PGR: variants seen among roughly 807,000 people sequenced by gnomAD.
The protein encoded by PGR is progesterone receptor.
In PGR, 25 loss-of-function variants were observed where a neutral mutation model predicts 76.1. The ratio of observed to expected loss-of-function variants is 0.33; its 90% CI spans 0.24 to 0.46. The LOEUF is 0.46. Among genes scored for constraint, PGR ranks in the 20% least tolerant of loss-of-function variants. The probability of loss-of-function intolerance (pLI) is 1.00; values close to 1 mark genes in which losing one functional copy is unlikely to be tolerated. For synonymous variants in PGR, 579 were observed against 535.0 expected (o/e 1.08, Z -1.14); for missense variants, 1,172 against 1,225.3 (o/e 0.96, Z 0.65).
chr11:101,033,030 A>G lies in PGR; in HGVS notation c.*6086T>C, dbSNP rs1859399529. ...TCCTCTCAAAATACAAAGAACTTTG[A>G]TATTTTCTTCTGTTTCTTTCAAATT... On this transcript the variant is annotated 3_prime_UTR_variant, in exon 8 of 8. Transcript: ENST00000325455. 5.1e-6 allele frequency: 1 copy of G among 195,032 alleles called. No homozygotes were observed. Among genetic ancestry groups the G allele is most frequent in the South Asian group, 1.9e-4 (1 of 5,202 alleles). 12.1% of individuals were successfully genotyped at this position (195,032 alleles called of 1,614,324 possible).
Position 101,126,059 on chromosome 11 carries a change from A to G in PGR, c.1737T>C (p.Tyr579=). The change falls in exon 2 of 8, where the codon TAT becomes TAC. Residue 579 remains tyrosine, a synonymous_variant. Transcript: ENST00000325455. ...TACAGCTCCCACAGGTAAGGACACC[A>G]TAATGACAGCCTGATGCTTCATCCC... The part of the protein sequence containing the change: ...ICGDEASGCH[Y]GVLTCGSCKV... The G allele has an allele frequency of 6.2e-7, 1 of 1,614,136 alleles. No homozygotes were observed. Among genetic ancestry groups the G allele is most frequent in the Non-Finnish European group, 8.5e-7 (1 of 1,179,978 alleles).
At chr11:101,044,574 T>C (rs1859799923) in intron 6 of PGR, among the ~76,000 whole-genome samples, 1 of 152,090 alleles carries the variant, frequency 6.6e-6, no homozygotes, top group Non-Finnish European at 1.5e-5. Context: ...AGACCTAGTT[T>C]TCAACCTATA....
intron 2 of PGR, among the ~76,000 whole-genome samples, chr11:101,101,421 T>C (rs1200863239): frequency 6.6e-6 from 1 of 152,186 alleles, no homozygotes; most frequent in Non-Finnish European, 1.5e-5. Context: ...CATTATTAAG[T>C]GTATTTTAAG....
intron 4 of PGR, among the ~76,000 whole-genome samples, chr11:101,055,098 A>G (rs574638699): frequency 9.2e-5 from 14 of 152,088 alleles, no homozygotes; most frequent in Non-Finnish European, 1.8e-4. Context: ...TGTTATATAT[A>G]ACAAATTATA....
chr11:101,036,926 T>G lies in PGR; in HGVS notation c.*2190A>C, dbSNP rs1859534896. On this transcript the variant is annotated 3_prime_UTR_variant, in exon 8 of 8. Coordinates refer to ENST00000325455, the MANE Select transcript of PGR (RefSeq NM_000926.4). ...ATCACAACATCAACTGTTCCCTGAG[T>G]CCATCACTTAAGCATAAAGGGCTAA... The G allele has an allele frequency of 5.0e-6, 1 of 201,916 alleles. No individual in the cohort carries two copies. Among genetic ancestry groups the G allele is most frequent in the African/African-American group, 2.3e-5 (1 of 43,592 alleles). The allele number at this position is 201,916 out of a possible 1,614,324, so 12.5% of individuals were successfully genotyped here. A position where few individuals can be genotyped will look rare whatever the true frequency, so the allele number is the denominator to read the frequency against.
chr11:101,101,936 G>T (rs1202125845), intron 2 of PGR, among the ~76,000 whole-genome samples: 1 of 152,146 alleles, frequency 6.6e-6, no homozygotes, highest in Non-Finnish European at 1.5e-5. Flanking sequence ...ACATAAGGGG[G>T]TCATGAGATC....
At position 101,070,819 on chromosome 11, in the gene PGR, C is replaced by T. The variant is rs570208038; in HGVS notation, c.1907-8067G>A. Among the ~76,000 whole-genome samples, 14 of 152,326 alleles carry T rather than the reference C, an allele frequency of 9.2e-5. No individual in the cohort carries two copies. The South Asian group carries it at 2.9e-3, about 32-fold the overall frequency. ...ATCTCTGAAAGAAAGGCAGCAGCCCCAGTCAGGGGCTTATACATAAAACTC... is the reference window on the plus strand; with the variant it reads ...ATCTCTGAAAGAAAGGCAGCAGCCCTAGTCAGGGGCTTATACATAAAACTC... On this transcript the variant is annotated intron_variant, in intron 3 of 7. Coordinates refer to ENST00000325455, the MANE Select transcript of PGR (RefSeq NM_000926.4).
Position 101,036,633 on chromosome 11 carries a change from T to C in PGR, c.*2483A>G, listed in dbSNP as rs992662186. 1 of 197,644 alleles carries C rather than the reference T, an allele frequency of 5.1e-6. No homozygotes were observed. Among genetic ancestry groups the C allele is most frequent in the African/African-American group, 2.3e-5 (1 of 43,376 alleles). The allele number at this position is 197,644 out of a possible 1,614,324, so 12.2% of individuals were successfully genotyped here. A position where few individuals can be genotyped will look rare whatever the true frequency, so the allele number is the denominator to read the frequency against. ...TCCATTTGGTGAAGCCATATTCTTTTTAAAAAGGTACTTTATTTTTAAAGC... is the reference window on the plus strand; with the variant it reads ...TCCATTTGGTGAAGCCATATTCTTTCTAAAAAGGTACTTTATTTTTAAAGC... On this transcript the variant is annotated 3_prime_UTR_variant, in exon 8 of 8. Transcript: ENST00000325455.
chr11:101,041,905 A>G, intron 7 of PGR, 40 bp downstream of exon 7: 7 of 1,549,966 alleles, frequency 4.5e-6, no homozygotes, highest in Non-Finnish European at 5.3e-6. Context: ...AGAAATTCAG[A>G]GAATAATCAT....
At chr11:101,055,031 T>C (rs778381790) in intron 4 of PGR, among the ~76,000 whole-genome samples, 26 of 152,150 alleles carry the variant, frequency 1.7e-4, no homozygotes, top group African/African-American at 6.3e-4. Flanking sequence ...ATTTTAAAGA[T>C]AAATTATGTG....
chr11:101,039,766 A>C (rs934356447), intron 7 of PGR, among the ~76,000 whole-genome samples: 3 of 152,044 alleles, frequency 2.0e-5, no homozygotes, highest in Non-Finnish European at 4.4e-5. Context: ...CATGATTATA[A>C]AAACAAAAAC....
rs1208837334 is a variant in PGR, at chr11:101,059,853, A to AAG, written c.2212+2593_2212+2594insCT. On this transcript the variant is annotated intron_variant, in intron 4 of 7. Transcript: ENST00000325455. ...GTGAGACCCTCTCTCAAAAAAAAAA[A>AAG]AAAAAAAAGAAAAAAAAGAAAAGAA... 2.2e-5 allele frequency among the ~76,000 whole-genome samples: 3 copies of AAG among 136,828 alleles called. No individual in the cohort carries two copies. In the East Asian group the frequency reaches 5.8e-4, roughly 27 times the overall value. 89.8% of individuals were successfully genotyped at this position (136,828 alleles called of 152,430 possible).
rs769284340 is a variant in PGR at position 101,031,990 on chromosome 11, G to T, written c.*7126C>A. ...AGGTTGGACAGACATGCAAAGGTAG[G>T]GATATAGGTGGAGTGGTACAGATTG... On this transcript the variant is annotated 3_prime_UTR_variant, in exon 8 of 8. Transcript: ENST00000325455. 3 of 232,396 alleles carry T rather than the reference G, an allele frequency of 1.3e-5. No individual in the cohort carries two copies. Among genetic ancestry groups the T allele is most frequent in the African/African-American group, 2.2e-5 (1 of 45,258 alleles). The allele number at this position is 232,396 out of a possible 1,614,324, so 14.4% of individuals were successfully genotyped here.
chr11:101,041,273 A>G (rs1859685782), intron 7 of PGR, among the ~76,000 whole-genome samples: 1 of 152,036 alleles, frequency 6.6e-6, no homozygotes. Context: ...GAGAGTGGAT[A>G]GCTTTTTTAT....
Position 101,076,430 on chromosome 11 carries a change from C to T in PGR, c.1907-13678G>A, listed in dbSNP as rs144049196. ...TGTATACCTATGTAACAAACCTTCA[C>T]GTTCTGCACGTGTATCCCAGAACTT... On this transcript the variant is annotated intron_variant, in intron 3 of 7. Transcript: ENST00000325455. Among the ~76,000 whole-genome samples the T allele has an allele frequency of 1.8e-3, 270 of 151,924 alleles. 1 individual carries two copies. Among genetic ancestry groups the T allele is most frequent in the African/African-American group, 6.2e-3 (256 of 41,446 alleles).
chr11:101,095,082 AT>A (rs1308549521), intron 2 of PGR, among the ~76,000 whole-genome samples: 1 of 152,156 alleles, frequency 6.6e-6, no homozygotes, highest in Non-Finnish European at 1.5e-5. Context: ...AGTCTAAGGT[AT>A]TTTTTTATTG....
chr11:101,085,905 C>A (rs1479033637), intron 3 of PGR, among the ~76,000 whole-genome samples: 1 of 151,984 alleles, frequency 6.6e-6, no homozygotes, highest in Non-Finnish European at 1.5e-5. Flanking sequence ...CAGGAAAAAA[C>A]TAAAGCACTG....
intron 4 of PGR, 108 bp from the exon 5 acceptor site, chr11:101,051,676 T>C (rs1231983844): frequency 5.1e-6 from 4 of 778,890 alleles, no homozygotes; most frequent in East Asian, 5.0e-5. Flanking sequence ...GGTAATAAAA[T>C]GTTTTCAATC....
In PGR at chr11:101,036,639, A is replaced by C. The variant is rs1859525342; in HGVS notation, c.*2477T>G. On this transcript the variant is annotated 3_prime_UTR_variant, in exon 8 of 8. Coordinates refer to ENST00000325455, the MANE Select transcript of PGR (RefSeq NM_000926.4). ...TGGTGAAGCCATATTCTTTTTAAAA[A>C]GGTACTTTATTTTTAAAGCTTAGCC... 5.0e-6 allele frequency: 1 copy of C among 198,376 alleles called. No individual in the cohort carries two copies. Among genetic ancestry groups the C allele is most frequent in the South Asian group, 1.9e-4 (1 of 5,224 alleles). The allele number at this position is 198,376 out of a possible 1,614,324, so 12.3% of individuals were successfully genotyped here. A position where few individuals can be genotyped will look rare whatever the true frequency, so the allele number is the denominator to read the frequency against.
Sources: allele counts gnomAD v4.1 joint callset (sites outside exome capture counted in the v4.1 genomes callset), GRCh38; gene constraint gnomAD v4.1.1; transcripts MANE v1.5; gene names NCBI Gene and HGNC (gene_info 2026-07-23, HGNC 2026-07-21).